The following MDN1 variants were observed in gnomAD, a reference collection of about 807,000 sequenced individuals.
MDN1 encodes midasin AAA ATPase 1, also known as midasin.
A neutral mutation model predicts 669.2 loss-of-function variants in MDN1; 266 were observed. The ratio of observed to expected loss-of-function variants is 0.40; its 90% CI spans 0.36 to 0.44. The LOEUF (loss-of-function observed/expected upper bound fraction) is 0.44, where lower values mean the gene tolerates loss of function less well. Ranked by LOEUF, MDN1 falls within the 20% of genes least tolerant of loss-of-function variation. The pLI, the probability that MDN1 is intolerant of heterozygous loss-of-function variation, is 1.00. For missense variants in MDN1, 5,940 were observed against 6,754.0 expected (o/e 0.88, Z 4.22); for synonymous variants, 2,385 against 2,457.1 (o/e 0.97, Z 0.87).
rs185843750 is a variant in MDN1 at position 89,693,988 on chromosome 6, T to A, written c.9881+86A>T. 2,167 of 1,068,648 alleles carry A rather than the reference T, an allele frequency of 2.0e-3. 3 individuals carry two copies. Among genetic ancestry groups the A allele is most frequent in the Non-Finnish European group, 2.6e-3 (1,785 of 690,698 alleles). 66.2% of individuals were successfully genotyped at this position (1,068,648 alleles called of 1,614,324 possible). On this transcript the variant is annotated intron_variant, in intron 62 of 101. Transcript: ENST00000369393. ...TGCTAATGTAGTTTAGAGGTGTATA[T>A]TATCACTTCTACTCACACCATAACT...
At chr6:89,744,972 CTTT>C (rs1201524054) in intron 29 of MDN1, among the ~76,000 whole-genome samples, 2 of 136,204 alleles carry the variant, frequency 1.5e-5, no homozygotes, top group Admixed American at 7.4e-5. Flanking sequence ...ATCTTAGTTT[CTTT>C]TTTTTTTTTT....
At chr6:89,758,592 T>C (rs554091164) in intron 18 of MDN1, among the ~76,000 whole-genome samples, 1 of 152,364 alleles carries the variant, frequency 6.6e-6, no homozygotes, top group African/African-American at 2.4e-5. Flanking sequence ...TAAGTGTGTC[T>C]ATTATCCACA....
intron 71 of MDN1, 44 bp downstream of exon 71, chr6:89,684,832 G>C (rs1187948257): frequency 7.8e-7 from 1 of 1,276,658 alleles, no homozygotes; most frequent in Non-Finnish European, 1.1e-6. Context: ...AGAATTTGCT[G>C]ATTTTGTCCT....
In MDN1 at chr6:89,754,160, TGTA is replaced by T. The variant is rs1464520350; in HGVS notation, c.2884_2886del (p.Tyr962del). ...AGGGCCCGGCACAGAGTCCGAAGGCTGTAGTGAGGTCTATGGCCAGTGCCATCC... is the reference window on the plus strand; with the variant it reads ...AGGGCCCGGCACAGAGTCCGAAGGCTGTGAGGTCTATGGCCAGTGCCATCC... On this transcript the variant is annotated inframe_deletion, in exon 21 of 102. Transcript: ENST00000369393. The T allele has an allele frequency of 6.2e-7, 1 of 1,614,146 alleles. No individual in the cohort carries two copies. The highest frequency in any genetic ancestry group is 1.1e-5 in the South Asian group (1 of 91,076).
chr6:89,653,215 T>A, intron 93 of MDN1, 60 bp from the exon 94 acceptor site: 1 of 1,482,820 alleles, frequency 6.7e-7, no homozygotes, highest in South Asian at 1.2e-5. Flanking sequence ...TGACCAAGCC[T>A]TTGCTATTGC....
At chr6:89,652,492 A>G (rs889972387) in intron 94 of MDN1, among the ~76,000 whole-genome samples, 6 of 152,252 alleles carry the variant, frequency 3.9e-5, no homozygotes, top group African/African-American at 1.2e-4. Flanking sequence ...TGGATAAAGA[A>G]AACTTTAAAC....
intron 15 of MDN1, among the ~76,000 whole-genome samples, chr6:89,769,196 T>C (rs1437251309): frequency 6.6e-6 from 1 of 152,212 alleles, no homozygotes; most frequent in East Asian, 1.9e-4. Context: ...CTTTTCCCTA[T>C]CCCATCTCCT....
At chr6:89,768,134 T>C (rs543959067) in intron 15 of MDN1, among the ~76,000 whole-genome samples, 7 of 151,156 alleles carry the variant, frequency 4.6e-5, no homozygotes, top group Non-Finnish European at 7.4e-5. Flanking sequence ...CTTTGGGAGG[T>C]TGACTGGGGA....
At chr6:89,653,599 C>T (rs1285158914) in intron 93 of MDN1, among the ~76,000 whole-genome samples, 1 of 152,164 alleles carries the variant, frequency 6.6e-6, no homozygotes, top group African/African-American at 2.4e-5. Flanking sequence ...GATAGTCAAC[C>T]GTTCTAACAG....
intron 76 of MDN1, among the ~76,000 whole-genome samples, chr6:89,677,034 A>AAAAG (rs1811242210): frequency 6.7e-6 from 1 of 150,230 alleles, no homozygotes; most frequent in Non-Finnish European, 1.5e-5. Context: ...AAAAAAAAAA[A>AAAAG]GGGAAGAAGA....
At chr6:89,663,062 C>T in intron 85 of MDN1, 95 bp from the exon 86 acceptor site, 1 of 1,387,504 alleles carries the variant, frequency 7.2e-7, no homozygotes, top group Non-Finnish European at 1.0e-6. Context: ...AGCAAGGGCC[C>T]CACCTGAGAT....
chr6:89,646,904 TGCC>T (rs1337430944), intron 99 of MDN1, among the ~76,000 whole-genome samples: 2 of 152,210 alleles, frequency 1.3e-5, no homozygotes, highest in South Asian at 2.1e-4. Flanking sequence ...TGCCTCAGCC[TGCC>T]GCCAAGTAAC....
chr6:89,652,385 C>A, intron 94 of MDN1, 104 bp from the exon 95 acceptor site: 1 of 808,898 alleles, frequency 1.2e-6, no homozygotes. Flanking sequence ...AGTACATAGT[C>A]AAATGCTCCT....
At chr6:89,746,919 G>C (rs1245847131) in intron 27 of MDN1, among the ~76,000 whole-genome samples, 1 of 152,130 alleles carries the variant, frequency 6.6e-6, no homozygotes, top group Non-Finnish European at 1.5e-5. Context: ...CTGAGTCTCA[G>C]GTTATATAAT....
At position 89,789,844 on chromosome 6, in the gene MDN1, G is replaced by A. The variant is rs756047896; in HGVS notation, c.1166C>T (p.Thr389Ile). Residue 389 changes from threonine (T) to isoleucine (I), a missense_variant, in exon 7 of 102, where the codon ACA becomes ATA. Coordinates refer to ENST00000369393, the MANE Select transcript of MDN1 (RefSeq NM_014611.3). The part of the protein sequence containing the change: ...GEFVWQPGTL[T>I]QAATMGHWIL... ...CCAGTGGCCCATTGTGGCTGCCTGTGTCAGGGTGCCAGGCTGCCACACAAA... is the reference window on the plus strand; with the variant it reads ...CCAGTGGCCCATTGTGGCTGCCTGTATCAGGGTGCCAGGCTGCCACACAAA... The A allele has an allele frequency of 1.2e-6, 2 of 1,614,080 alleles. No homozygotes were observed. The highest frequency in any genetic ancestry group is 1.1e-5 in the South Asian group (1 of 91,078).
rs781519823 is a variant in MDN1, at chr6:89,693,104, T to C, written c.9926A>G (p.His3309Arg). ...RMDRLDNLTCHLLKKQAFRPQ... is the reference protein window; with the variant it reads ...RMDRLDNLTCRLLKKQAFRPQ... ...TCTAAAGGCCTGTTTCTTCAACAGG[T>C]GACAGGTTAAATTATCCAGCCGATC... The change falls in exon 63 of 102, where the codon CAC (histidine) becomes CGC (arginine). Residue 3309 changes from histidine to arginine, a missense_variant. Coordinates refer to ENST00000369393, the MANE Select transcript of MDN1 (RefSeq NM_014611.3). 1.2e-6 allele frequency: 2 copies of C among 1,610,914 alleles called. No homozygotes were observed. The highest frequency in any genetic ancestry group is 1.7e-6 in the Non-Finnish European group (2 of 1,178,832).
chr6:89,812,666 T>C (rs1247828506), intron 1 of MDN1, among the ~76,000 whole-genome samples: 1 of 152,084 alleles, frequency 6.6e-6, no homozygotes. Context: ...ATAAGGCAAC[T>C]GCTAACTGAT....
rs751404164 is a variant in MDN1 at position 89,648,151 on chromosome 6, G to A, written c.16281-5C>T. The A allele has an allele frequency of 5.0e-6, 8 of 1,612,632 alleles. No individual in the cohort carries two copies. Among genetic ancestry groups the A allele is most frequent in the Non-Finnish European group, 6.8e-6 (8 of 1,178,800 alleles). On this transcript the variant is annotated splice_polypyrimidine_tract_variant and splice_region_variant and intron_variant, in intron 98 of 101. Transcript: ENST00000369393. Reference sequence around the variant, plus strand: ...AGCTTTACAGATTCTCCAAAACTTGGGGGAGGAAAACCAAATACAACAGGA... The same window carrying A: ...AGCTTTACAGATTCTCCAAAACTTGAGGGAGGAAAACCAAATACAACAGGA...
intron 101 of MDN1, among the ~76,000 whole-genome samples, chr6:89,644,691 C>T (rs1808369916): frequency 6.6e-6 from 1 of 152,208 alleles, no homozygotes; most frequent in Non-Finnish European, 1.5e-5. Flanking sequence ...GGCTGCAATA[C>T]CTGCACTGAC....
Sources: allele counts gnomAD v4.1 joint callset (sites outside exome capture counted in the v4.1 genomes callset), GRCh38; gene constraint gnomAD v4.1.1; transcripts MANE v1.5; gene names NCBI Gene and HGNC (gene_info 2026-07-23, HGNC 2026-07-21).